Variants in RNF13 observed in about 807,000 individuals in gnomAD.
RNF13 encodes the protein E3 ubiquitin-protein ligase RNF13.
A neutral mutation model predicts 37.7 loss-of-function variants in RNF13; 19 were observed. The observed-to-expected ratio is 0.50, with a 90% confidence interval of 0.35 to 0.74. RNF13 has a LOEUF of 0.74. Among genes scored for constraint, RNF13 ranks in the 30% least tolerant of loss-of-function variants. The pLI is 0.01. For synonymous variants in RNF13, 144 were observed against 157.8 expected (o/e 0.91, Z 0.65); for missense variants, 375 against 453.0 (o/e 0.83, Z 1.56).
At chr3:149,814,982 A>G (rs1310933666) in intron 1 of RNF13, among the ~76,000 whole-genome samples, 1 of 151,648 alleles carries the variant, frequency 6.6e-6, no homozygotes, top group Non-Finnish European at 1.5e-5. Flanking sequence ...GCAGCTTGAC[A>G]TCTTGTCTCT....
At chr3:149,848,487 G>A (rs2108381116) in intron 2 of RNF13, among the ~76,000 whole-genome samples, 1 of 152,294 alleles carries the variant, frequency 6.6e-6, no homozygotes, top group East Asian at 1.9e-4. Flanking sequence ...CAAAGGAAGT[G>A]AGTTAAGAGG....
intron 8 of RNF13, chr3:149,939,175 A>G: frequency 1.9e-6 from 1 of 515,274 alleles, no homozygotes; most frequent in South Asian, 1.4e-5. Flanking sequence ...CTTGGTGTTG[A>G]TGGTTTTCAG....
At chr3:149,936,880 A>C (rs1719743191) in intron 8 of RNF13, among the ~76,000 whole-genome samples, 1 of 152,040 alleles carries the variant, frequency 6.6e-6, no homozygotes, top group Non-Finnish European at 1.5e-5. Context: ...GCATTCTCTT[A>C]GACTTAGATC....
intron 8 of RNF13, among the ~76,000 whole-genome samples, chr3:149,922,445 A>T (rs1250359944): frequency 6.6e-6 from 1 of 152,242 alleles, no homozygotes; most frequent in Non-Finnish European, 1.5e-5. Flanking sequence ...AAGGATGCAC[A>T]GTCTGCAGAG....
chr3:149,921,880 C>A lies in RNF13; in HGVS notation c.700+653C>A, dbSNP rs554633209. ...GATCCCTGAGGAATCGCCACACTGTCTTCCACAATGGTTGAACTAATTTAC... is the reference window on the plus strand; with the variant it reads ...GATCCCTGAGGAATCGCCACACTGTATTCCACAATGGTTGAACTAATTTAC... On this transcript the variant is annotated intron_variant, in intron 8 of 9. Transcript: ENST00000392894. 3.9e-5 allele frequency among the ~76,000 whole-genome samples: 6 copies of A among 152,302 alleles called. No individual in the cohort carries two copies. The South Asian group carries it at 1.0e-3, about 26-fold the overall frequency.
intron 2 of RNF13, among the ~76,000 whole-genome samples, chr3:149,847,375 G>A (rs1302543561): frequency 6.6e-6 from 1 of 152,178 alleles, no homozygotes; most frequent in Non-Finnish European, 1.5e-5. Context: ...GATATCAGGT[G>A]AGAAATAAAA....
In RNF13 at chr3:149,865,489, A is replaced by T. The variant is rs528126357; in HGVS notation, c.196-6540A>T. Among the ~76,000 whole-genome samples, 114 of 151,842 alleles carry T rather than the reference A, an allele frequency of 7.5e-4. 2 individuals carry two copies. The East Asian group carries it at 0.021, about 28-fold the overall frequency. ...CTCCTGTTTCGTTTTTTTGAGAGAGAGAGTCTCACTCTGTTTCCCAAGATG... is the reference window on the plus strand; with the variant it reads ...CTCCTGTTTCGTTTTTTTGAGAGAGTGAGTCTCACTCTGTTTCCCAAGATG... On this transcript the variant is annotated intron_variant, in intron 3 of 9. Transcript: ENST00000392894.
rs1713910321 is a variant in RNF13 at position 149,885,399 on chromosome 3, C to T, written c.322-10074C>T. Among the ~76,000 whole-genome samples, 4 of 151,832 alleles carry T rather than the reference C, an allele frequency of 2.6e-5. No homozygotes were observed. In the South Asian group the frequency reaches 6.3e-4, roughly 24 times the overall value. ...CATACTCTCCAGCATTTCTTGTTGC[C>T]TGTTTTTTTTGGATAAAAGCATTTC... On this transcript the variant is annotated intron_variant, in intron 4 of 9. Coordinates refer to ENST00000392894, the MANE Select transcript of RNF13 (RefSeq NM_183381.3).
chr3:149,917,619 A>G (rs1717677393), intron 7 of RNF13, among the ~76,000 whole-genome samples: 2 of 152,220 alleles, frequency 1.3e-5, no homozygotes, highest in Admixed American at 6.5e-5. Flanking sequence ...CTTATGAATT[A>G]CTTCAGTACA....
At chr3:149,827,644 C>A (rs1189327133) in intron 1 of RNF13, among the ~76,000 whole-genome samples, 1 of 151,826 alleles carries the variant, frequency 6.6e-6, no homozygotes, top group Non-Finnish European at 1.5e-5. Flanking sequence ...AAACAATAAA[C>A]ATAACAAGTA....
rs776648964 is a variant in RNF13, at chr3:149,961,943, A to AAAGT, written c.*844_*847dup. ...GGAAACTGTTCAAGTATTGGATTTG[A>AAAGT]AAGTAAGTGACTTATGTTTAACAGA... On this transcript the variant is annotated 3_prime_UTR_variant, in exon 10 of 10. Transcript: ENST00000392894. 2 of 152,692 alleles carry AAAGT rather than the reference A, an allele frequency of 1.3e-5. No homozygotes were observed. The highest frequency in any genetic ancestry group is 6.5e-5 in the Admixed American group (1 of 15,286). 9.5% of individuals were successfully genotyped at this position (152,692 alleles called of 1,614,324 possible).
chr3:149,927,452 A>G (rs999534650), intron 8 of RNF13, among the ~76,000 whole-genome samples: 1 of 152,224 alleles, frequency 6.6e-6, no homozygotes, highest in Non-Finnish European at 1.5e-5. Context: ...AACATTGATA[A>G]AAAAGTATCT....
intron 1 of RNF13, among the ~76,000 whole-genome samples, chr3:149,840,218 A>G (rs1417275243): frequency 1.3e-5 from 2 of 152,230 alleles, no homozygotes. Context: ...AATAACTAGT[A>G]GAATTATGTC....
intron 4 of RNF13, among the ~76,000 whole-genome samples, chr3:149,877,835 C>A (rs938602756): frequency 6.6e-6 from 1 of 152,106 alleles, no homozygotes; most frequent in Non-Finnish European, 1.5e-5. Context: ...GGAAACAGTT[C>A]TATCCATATA....
chr3:149,956,874 A>G (rs901029179), intron 8 of RNF13, among the ~76,000 whole-genome samples: 2 of 152,146 alleles, frequency 1.3e-5, no homozygotes, highest in African/African-American at 4.8e-5. Context: ...TGTTCAGTAC[A>G]TTATGGGATG....
chr3:149,865,342 A>ATATATATATATATATATATATATATAT, intron 3 of RNF13, among the ~76,000 whole-genome samples: 1 of 146,324 alleles, frequency 6.8e-6, no homozygotes, highest in Non-Finnish European at 1.5e-5. Flanking sequence ...ATATATATAT[A>ATATATATATATATATATATATATATAT]TATATATATG....
chr3:149,947,969 A>G (rs1720938293), intron 8 of RNF13, among the ~76,000 whole-genome samples: 1 of 151,940 alleles, frequency 6.6e-6, no homozygotes, highest in African/African-American at 2.4e-5. Flanking sequence ...TGTTTGTTTG[A>G]GAAGGAGTCT....
intron 8 of RNF13, among the ~76,000 whole-genome samples, chr3:149,954,589 A>T (rs1411061256): frequency 6.6e-6 from 1 of 152,230 alleles, no homozygotes; most frequent in African/African-American, 2.4e-5. Context: ...ATTCACAGAA[A>T]CTTTTAAAAA....
intron 1 of RNF13, among the ~76,000 whole-genome samples, chr3:149,826,364 TACAG>T (rs1720505940): frequency 6.6e-6 from 1 of 152,214 alleles, no homozygotes; most frequent in African/African-American, 2.4e-5. Context: ...ATTAAAGGCT[TACAG>T]ACAGAAAATG....
Sources: allele counts gnomAD v4.1 joint callset (sites outside exome capture counted in the v4.1 genomes callset), GRCh38; gene constraint gnomAD v4.1.1; transcripts MANE v1.5; gene names NCBI Gene and HGNC (gene_info 2026-07-23, HGNC 2026-07-21).